EPHA6: variants seen among roughly 807,000 people sequenced by gnomAD.
EPHA6 encodes ephrin type-A receptor 6.
Under a neutral mutation model 112.0 loss-of-function variants are expected in EPHA6, and 50 were observed. That is an observed-to-expected ratio of 0.45 (90% CI 0.36 to 0.56). The LOEUF (loss-of-function observed/expected upper bound fraction) is 0.56, where lower values mean the gene tolerates loss of function less well. Among genes scored for constraint, EPHA6 ranks in the 20% least tolerant of loss-of-function variants. The pLI is 0.00. For synonymous variants in EPHA6, 529 were observed against 490.7 expected, an observed-to-expected ratio of 1.08 and a Z score of -1.03; for missense variants, 1,280 against 1,417.4, an observed-to-expected ratio of 0.90 and a Z score of 1.56.
intron 2 of EPHA6, among the ~76,000 whole-genome samples, chr3:96,981,119 G>A (rs1281615881): frequency 2.0e-5 from 3 of 152,132 alleles, no homozygotes; most frequent in Non-Finnish European, 2.9e-5. Context: ...GGGCGTCCCT[G>A]TCTTGTGCCA....
chr3:97,626,241 T>C lies in EPHA6; in HGVS notation c.2575-11632T>C, dbSNP rs1420532356. 2.0e-5 allele frequency among the ~76,000 whole-genome samples: 3 copies of C among 151,792 alleles called. No individual in the cohort carries two copies. The East Asian group carries it at 5.8e-4, about 29-fold the overall frequency. On this transcript the variant is annotated intron_variant, in intron 13 of 17. Coordinates refer to ENST00000389672, the MANE Select transcript of EPHA6 (RefSeq NM_001080448.3). Reference sequence around the variant, plus strand: ...ATCTTTTGGCCTGTTGGCCCAGTTATATGTGCTAGTTGTATACATTTGTTC... The same window carrying C: ...ATCTTTTGGCCTGTTGGCCCAGTTACATGTGCTAGTTGTATACATTTGTTC...
At chr3:97,706,637 T>C (rs530374433) in intron 14 of EPHA6, among the ~76,000 whole-genome samples, 1 of 152,304 alleles carries the variant, frequency 6.6e-6, no homozygotes, top group East Asian at 1.9e-4. Context: ...CTGTGAACTT[T>C]GTTTTCTCTG....
chr3:97,732,279 G>A (rs1284125388), intron 15 of EPHA6, among the ~76,000 whole-genome samples: 1 of 149,668 alleles, frequency 6.7e-6, no homozygotes, highest in Non-Finnish European at 1.5e-5. Flanking sequence ...CACGCACTTG[G>A]CCCTGCACCC....
intron 3 of EPHA6, among the ~76,000 whole-genome samples, chr3:97,092,355 A>G (rs1322802038): frequency 6.6e-6 from 1 of 152,024 alleles, no homozygotes; most frequent in Non-Finnish European, 1.5e-5. Flanking sequence ...ATGTTAATCA[A>G]ATAGAGATCA....
chr3:96,926,950 G>A (rs116683456), intron 2 of EPHA6, among the ~76,000 whole-genome samples: 2,266 of 152,252 alleles, frequency 0.015, 56 homozygotes, highest in African/African-American at 0.05. Context: ...GTGTGGGGGC[G>A]TCAACCCCAC....
intron 3 of EPHA6, among the ~76,000 whole-genome samples, chr3:97,218,843 C>T (rs1176017823): frequency 6.6e-6 from 1 of 152,138 alleles, no homozygotes; most frequent in Non-Finnish European, 1.5e-5. Context: ...GTCCCTTCAA[C>T]CTATGCACCT....
intron 3 of EPHA6, among the ~76,000 whole-genome samples, chr3:97,218,850 A>T (rs9848981): frequency 3.2e-4 from 48 of 152,164 alleles, no homozygotes; most frequent in African/African-American, 1.1e-3. Context: ...CAACCTATGC[A>T]CCTGTAAAAT....
At chr3:97,639,066 T>G (rs1023558227) in intron 14 of EPHA6, among the ~76,000 whole-genome samples, 1 of 152,128 alleles carries the variant, frequency 6.6e-6, no homozygotes, top group African/African-American at 2.4e-5. Context: ...TGCCTTGCTA[T>G]ATTTGCTTTG....
At chr3:97,081,768 C>A (rs1039961673) in intron 3 of EPHA6, among the ~76,000 whole-genome samples, 24 of 150,944 alleles carry the variant, frequency 1.6e-4, no homozygotes, top group Non-Finnish European at 1.8e-4. Flanking sequence ...TTATGATATA[C>A]CATAACAATA....
At chr3:97,375,061 G>A (rs945380482) in intron 5 of EPHA6, among the ~76,000 whole-genome samples, 3 of 152,040 alleles carry the variant, frequency 2.0e-5, no homozygotes, top group Non-Finnish European at 2.9e-5. Flanking sequence ...AGTGTGCTAC[G>A]TTCTTTAGTC....
chr3:96,955,093 T>C (rs2041706689), intron 2 of EPHA6, among the ~76,000 whole-genome samples: 1 of 152,180 alleles, frequency 6.6e-6, no homozygotes, highest in African/African-American at 2.4e-5. Context: ...TTGGAGATCT[T>C]TGTCTCTAAT....
chr3:96,863,447 T>C (rs1213163731), intron 1 of EPHA6, among the ~76,000 whole-genome samples: 3 of 151,958 alleles, frequency 2.0e-5, no homozygotes, highest in Non-Finnish European at 2.9e-5. Flanking sequence ...TCTCTAAAAT[T>C]CTAAATTTTA....
intron 5 of EPHA6, among the ~76,000 whole-genome samples, chr3:97,379,520 G>A (rs1484617631): frequency 1.3e-5 from 2 of 151,704 alleles, no homozygotes; most frequent in Non-Finnish European, 2.9e-5. Flanking sequence ...GGAGGCTGAG[G>A]TGGGTGGATC....
chr3:96,876,153 G>T (rs945392881), intron 2 of EPHA6, among the ~76,000 whole-genome samples: 1 of 146,218 alleles, frequency 6.8e-6, no homozygotes, highest in East Asian at 2.0e-4. Flanking sequence ...TTTTTGTAGA[G>T]ATGGGGAGGT....
chr3:97,654,115 A>G (rs1428713228), intron 14 of EPHA6, among the ~76,000 whole-genome samples: 2 of 151,964 alleles, frequency 1.3e-5, no homozygotes, highest in African/African-American at 4.8e-5. Flanking sequence ...AAAAGGGTAG[A>G]TCTTAAGTGT....
At chr3:97,253,311 T>C (rs9878641) in intron 5 of EPHA6, among the ~76,000 whole-genome samples, 31,377 of 152,050 alleles carry the variant, frequency 0.21, 7,968 homozygotes, top group African/African-American at 0.59. Flanking sequence ...TTCTGTTAGG[T>C]AGTAAGCAAA....
chr3:97,132,325 T>C (rs181030868), intron 3 of EPHA6, among the ~76,000 whole-genome samples: 14 of 152,206 alleles, frequency 9.2e-5, no homozygotes, highest in African/African-American at 3.1e-4. Context: ...TTGATTAAAG[T>C]GTTGAATATC....
intron 2 of EPHA6, among the ~76,000 whole-genome samples, chr3:96,979,205 C>A (rs1432039922): frequency 1.6e-5 from 2 of 123,552 alleles, no homozygotes; most frequent in African/African-American, 6.0e-5. Flanking sequence ...CTTTCTCTCT[C>A]CCCTCCCCCC....
chr3:97,503,820 T>C (rs1042679307), intron 10 of EPHA6, among the ~76,000 whole-genome samples: 20 of 152,208 alleles, frequency 1.3e-4, no homozygotes, highest in African/African-American at 4.8e-4. Flanking sequence ...AGTTTCATTA[T>C]GTTTACATAT....
Sources: gnomAD v4.1 joint callset for allele counts (sites outside exome capture counted in the v4.1 genomes callset) on GRCh38, gnomAD v4.1.1 for gene constraint, MANE v1.5 for transcripts, NCBI Gene and HGNC (gene_info 2026-07-23, HGNC 2026-07-21) for gene names.